CACNA2D1: variants seen among roughly 807,000 people sequenced by gnomAD.
The protein encoded by CACNA2D1 is voltage-dependent calcium channel subunit alpha-2/delta-1.
CACNA2D1 carries 53 observed loss-of-function variants against 171.5 expected under a neutral mutation model. The ratio of observed to expected loss-of-function variants is 0.31; its 90% CI spans 0.25 to 0.39. The LOEUF is 0.39. CACNA2D1 is among the 10% of genes least tolerant of loss of function. The pLI, the probability that CACNA2D1 is intolerant of heterozygous loss-of-function variation, is 1.00. For missense variants in CACNA2D1, 903 were observed against 1,299.8 expected, an observed-to-expected ratio of 0.69 and a Z score of 4.69; for synonymous variants, 442 against 443.1, an observed-to-expected ratio of 1.00 and a Z score of 0.03.
chr7:82,313,534 G>A (rs1011597810), intron 3 of CACNA2D1, among the ~76,000 whole-genome samples: 1 of 152,140 alleles, frequency 6.6e-6, no homozygotes, highest in Non-Finnish European at 1.5e-5. Flanking sequence ...TGCCTAATGA[G>A]ACCACCTTTG....
intron 1 of CACNA2D1, among the ~76,000 whole-genome samples, chr7:82,368,315 T>C (rs1385112197): frequency 1.3e-5 from 2 of 152,192 alleles, no homozygotes; most frequent in Non-Finnish European, 2.9e-5. Context: ...GCCAAACAAA[T>C]TGTGTGGAAA....
At chr7:82,290,753 T>C (rs533249742) in intron 3 of CACNA2D1, among the ~76,000 whole-genome samples, 11 of 151,796 alleles carry the variant, frequency 7.2e-5, no homozygotes, top group African/African-American at 2.2e-4. Context: ...TGCACCACCA[T>C]GCCGGGCTAA....
At chr7:82,245,671 C>G (rs543471646) in intron 3 of CACNA2D1, among the ~76,000 whole-genome samples, 2 of 121,610 alleles carry the variant, frequency 1.6e-5, no homozygotes, top group East Asian at 2.2e-4. Context: ...CTCACACACA[C>G]ACACACACAC....
chr7:82,435,743 C>T (rs1830067481), intron 1 of CACNA2D1, among the ~76,000 whole-genome samples: 1 of 147,836 alleles, frequency 6.8e-6, no homozygotes, highest in Non-Finnish European at 1.5e-5. Context: ...AAACCTATTA[C>T]TTTTTTTTTT....
intron 3 of CACNA2D1, among the ~76,000 whole-genome samples, chr7:82,324,891 C>T (rs1034366606): frequency 8.5e-5 from 13 of 152,136 alleles, no homozygotes; most frequent in Non-Finnish European, 1.5e-4. Context: ...TAGACACTCA[C>T]CAAATGCCAA....
At chr7:82,299,226 G>A (rs904411420) in intron 3 of CACNA2D1, among the ~76,000 whole-genome samples, 2 of 152,106 alleles carry the variant, frequency 1.3e-5, no homozygotes, top group Middle Eastern at 3.2e-3. Flanking sequence ...ATTATTCTCA[G>A]TAGGTTTTTT....
At chr7:82,127,569 T>A (rs1224496303) in intron 5 of CACNA2D1, among the ~76,000 whole-genome samples, 1 of 152,206 alleles carries the variant, frequency 6.6e-6, no homozygotes, top group Non-Finnish European at 1.5e-5. Context: ...GTACACATAT[T>A]CTATTGTATA....
At chr7:82,283,475 A>C (rs1190486207) in intron 3 of CACNA2D1, among the ~76,000 whole-genome samples, 4 of 152,238 alleles carry the variant, frequency 2.6e-5, no homozygotes, top group African/African-American at 9.6e-5. Flanking sequence ...ATAATCAAAT[A>C]GCATAAATGT....
intron 23 of CACNA2D1, 115 bp from the exon 24 acceptor site, chr7:81,982,742 T>C (rs768370277): frequency 1.3e-6 from 1 of 765,578 alleles, no homozygotes; most frequent in Non-Finnish European, 2.4e-6. Flanking sequence ...GAAAATAGAG[T>C]ACTTACATCC....
intron 6 of CACNA2D1, among the ~76,000 whole-genome samples, chr7:82,100,843 T>C (rs537901830): frequency 9.4e-5 from 14 of 149,398 alleles, no homozygotes; most frequent in Middle Eastern, 3.5e-3. Flanking sequence ...TTTTTTTTTC[T>C]GGCAAATGCT....
chr7:82,254,975 T>C (rs1282276332), intron 3 of CACNA2D1, among the ~76,000 whole-genome samples: 1 of 152,178 alleles, frequency 6.6e-6, no homozygotes, highest in Admixed American at 6.5e-5. Context: ...CAGATGTAGA[T>C]ATAAAATGTA....
chr7:82,309,536 G>A (rs1287631660), intron 3 of CACNA2D1, among the ~76,000 whole-genome samples: 1 of 152,170 alleles, frequency 6.6e-6, no homozygotes, highest in African/African-American at 2.4e-5. Context: ...TTAAGGCCAT[G>A]AAACTGCTGC....
At chr7:82,204,824 G>A (rs1287777245) in intron 3 of CACNA2D1, among the ~76,000 whole-genome samples, 3 of 152,158 alleles carry the variant, frequency 2.0e-5, no homozygotes, top group Non-Finnish European at 2.9e-5. Flanking sequence ...CTAGGGGGTG[G>A]AGTGTAAGGA....
At chr7:82,366,353 C>T (rs1038872200) in intron 1 of CACNA2D1, among the ~76,000 whole-genome samples, 1 of 152,068 alleles carries the variant, frequency 6.6e-6, no homozygotes, top group Non-Finnish European at 1.5e-5. Context: ...AGCCAATAGG[C>T]GGTTTTTCAC....
At chr7:82,019,238 T>C (rs1198126396) in intron 12 of CACNA2D1, among the ~76,000 whole-genome samples, 1 of 152,118 alleles carries the variant, frequency 6.6e-6, no homozygotes, top group African/African-American at 2.4e-5. Flanking sequence ...GAGAATTACT[T>C]GAACCCGGGA....
chr7:82,143,771 A>G (rs1792667463), intron 4 of CACNA2D1, among the ~76,000 whole-genome samples: 1 of 152,124 alleles, frequency 6.6e-6, no homozygotes, highest in Admixed American at 6.5e-5. Flanking sequence ...AAAAACTTTC[A>G]CCTTGTATTA....
At chr7:82,287,142 T>C (rs1424876662) in intron 3 of CACNA2D1, among the ~76,000 whole-genome samples, 1 of 152,210 alleles carries the variant, frequency 6.6e-6, no homozygotes, top group Non-Finnish European at 1.5e-5. Flanking sequence ...CAATGTATTA[T>C]TTTTCCTTTT....
chr7:82,076,974 T>C (rs1809041742), intron 7 of CACNA2D1, among the ~76,000 whole-genome samples: 1 of 152,194 alleles, frequency 6.6e-6, no homozygotes, highest in South Asian at 2.1e-4. Flanking sequence ...CTTATATGAC[T>C]CTAATCCATA....
intron 4 of CACNA2D1, among the ~76,000 whole-genome samples, chr7:82,166,530 C>T (rs1022856066): frequency 6.6e-6 from 1 of 152,030 alleles, no homozygotes; most frequent in East Asian, 1.9e-4. Flanking sequence ...CTTTAGTTAA[C>T]CAACCATTGC....
Sources: allele counts gnomAD v4.1 joint callset (sites outside exome capture counted in the v4.1 genomes callset), GRCh38; gene constraint gnomAD v4.1.1; transcripts MANE v1.5; gene names NCBI Gene and HGNC (gene_info 2026-07-23, HGNC 2026-07-21).